Variants in SPAG16 observed in about 807,000 individuals in gnomAD.
SPAG16 encodes the protein sperm-associated antigen 16 protein.
A neutral mutation model predicts 80.4 loss-of-function variants in SPAG16; 86 were observed. That is an observed-to-expected ratio of 1.07 (90% confidence interval 0.90 to 1.28). The LOEUF (loss-of-function observed/expected upper bound fraction) is 1.28. Among genes scored for constraint, SPAG16 ranks in the 50% most tolerant of loss-of-function variants. The pLI is 0.00. For synonymous variants in SPAG16, 294 were observed against 265.9 expected (o/e 1.11, Z -1.03); for missense variants, 870 against 765.3 (o/e 1.14, Z -1.61).
At chr2:213,333,793 A>C (rs1398447293) in intron 5 of SPAG16, among the ~76,000 whole-genome samples, 1 of 152,186 alleles carries the variant, frequency 6.6e-6, no homozygotes, top group Non-Finnish European at 1.5e-5. Context: ...AAAACTGGAT[A>C]TCTATATGAA....
intron 15 of SPAG16, among the ~76,000 whole-genome samples, chr2:214,352,510 G>A (rs1407219292): frequency 6.9e-6 from 1 of 144,376 alleles, no homozygotes; most frequent in East Asian, 2.0e-4. Context: ...CCTCAGAGCT[G>A]TAACATTTGT....
intron 12 of SPAG16, among the ~76,000 whole-genome samples, chr2:214,004,164 C>G (rs2046922456): frequency 6.6e-6 from 1 of 152,110 alleles, no homozygotes. Flanking sequence ...ATCAACAAAG[C>G]TGGACACTAG....
chr2:213,946,213 C>G (rs1245426432), intron 12 of SPAG16, among the ~76,000 whole-genome samples: 3 of 152,156 alleles, frequency 2.0e-5, no homozygotes, highest in Admixed American at 6.5e-5. Flanking sequence ...CTCCCGGGTT[C>G]AAGCAATTCT....
intron 14 of SPAG16, among the ~76,000 whole-genome samples, chr2:214,138,209 A>G (rs2055162895): frequency 6.6e-6 from 1 of 152,152 alleles, no homozygotes; most frequent in Admixed American, 6.6e-5. Flanking sequence ...AAAAATATAA[A>G]TTTGTAAAGA....
At chr2:213,844,117 G>A (rs1260195923) in intron 10 of SPAG16, among the ~76,000 whole-genome samples, 1 of 152,130 alleles carries the variant, frequency 6.6e-6, no homozygotes, top group African/African-American at 2.4e-5. Context: ...GATTGTCAGA[G>A]GACAGAGGGT....
At chr2:213,932,733 G>A (rs1271988617) in intron 12 of SPAG16, among the ~76,000 whole-genome samples, 3 of 152,046 alleles carry the variant, frequency 2.0e-5, no homozygotes, top group Non-Finnish European at 4.4e-5. Context: ...CAAAAAGTTG[G>A]ATCACTGTGA....
At chr2:213,838,420 G>A (rs902871812) in intron 10 of SPAG16, among the ~76,000 whole-genome samples, 7 of 152,096 alleles carry the variant, frequency 4.6e-5, no homozygotes, top group African/African-American at 9.7e-5. Context: ...TAATCCATCC[G>A]CCTCGGCCTT....
intron 9 of SPAG16, among the ~76,000 whole-genome samples, chr2:213,451,564 C>G (rs2071691041): frequency 1.3e-5 from 2 of 152,162 alleles, no homozygotes; most frequent in Non-Finnish European, 2.9e-5. Flanking sequence ...AAATCAAAGA[C>G]TCAGACGCAC....
At chr2:213,466,748 C>T (rs2072719885) in intron 9 of SPAG16, among the ~76,000 whole-genome samples, 2 of 152,152 alleles carry the variant, frequency 1.3e-5, no homozygotes, top group Non-Finnish European at 2.9e-5. Context: ...TAGGGCACAA[C>T]AGATAATGTC....
chr2:213,988,100 T>A (rs896305122), intron 12 of SPAG16, among the ~76,000 whole-genome samples: 9 of 151,926 alleles, frequency 5.9e-5, no homozygotes, highest in Non-Finnish European at 7.4e-5. Flanking sequence ...ATTAGTGAGA[T>A]AACTGCCTAA....
intron 12 of SPAG16, among the ~76,000 whole-genome samples, chr2:213,948,709 C>T (rs2079575849): frequency 6.6e-6 from 1 of 152,154 alleles, no homozygotes; most frequent in Non-Finnish European, 1.5e-5. Context: ...CTCCATGGAG[C>T]CCCTAATCTG....
intron 10 of SPAG16, among the ~76,000 whole-genome samples, chr2:213,511,848 T>A (rs2125816725): frequency 6.6e-6 from 1 of 152,252 alleles, no homozygotes; most frequent in East Asian, 1.9e-4. Flanking sequence ...GTGGCCAATC[T>A]ACTAAAAATA....
chr2:213,677,401 C>G (rs2125245231), intron 10 of SPAG16, among the ~76,000 whole-genome samples: 1 of 151,618 alleles, frequency 6.6e-6, no homozygotes, highest in East Asian at 1.9e-4. Context: ...CACATAGGCT[C>G]AAAATAAAAG....
At chr2:214,198,749 C>A in intron 15 of SPAG16, among the ~76,000 whole-genome samples, 1 of 151,972 alleles carries the variant, frequency 6.6e-6, no homozygotes, top group Non-Finnish European at 1.5e-5. Flanking sequence ...CCATTTTTAC[C>A]ATATTCATGC....
chr2:214,226,085 A>G lies in SPAG16; in HGVS notation c.1720+76819A>G, dbSNP rs1469959782. Among the ~76,000 whole-genome samples, 13 of 152,264 alleles carry G rather than the reference A, an allele frequency of 8.5e-5. No individual in the cohort carries two copies. The East Asian group carries it at 2.5e-3, about 29-fold the overall frequency. Reference sequence around the variant, plus strand: ...AAGGTTTTCATTTGCAAATTACTGCATAACATACTACTTCAAATTTATTAG... The same window carrying G: ...AAGGTTTTCATTTGCAAATTACTGCGTAACATACTACTTCAAATTTATTAG... On this transcript the variant is annotated intron_variant, in intron 15 of 15. Transcript: ENST00000331683.
At chr2:213,518,871 C>T (rs2075550033) in intron 10 of SPAG16, among the ~76,000 whole-genome samples, 1 of 152,176 alleles carries the variant, frequency 6.6e-6, no homozygotes, top group African/African-American at 2.4e-5. Flanking sequence ...TACATATACA[C>T]TGTGGAATAC....
chr2:213,666,954 C>A (rs1280380632), intron 10 of SPAG16, among the ~76,000 whole-genome samples: 2 of 152,074 alleles, frequency 1.3e-5, no homozygotes, highest in African/African-American at 4.8e-5. Context: ...GCACCATAAA[C>A]CAGTTGTAGA....
chr2:214,350,161 T>A (rs771430023), intron 15 of SPAG16, among the ~76,000 whole-genome samples: 5 of 152,240 alleles, frequency 3.3e-5, no homozygotes, highest in East Asian at 1.9e-4. Context: ...GTTTTCTTTT[T>A]ATTTACCCTG....
chr2:214,284,159 G>C (rs1488355639), intron 15 of SPAG16, among the ~76,000 whole-genome samples: 2 of 152,114 alleles, frequency 1.3e-5, no homozygotes, highest in African/African-American at 4.8e-5. Context: ...ACCCTGCAGT[G>C]AATATCCTCT....
Sources: gnomAD v4.1 joint callset for allele counts (sites outside exome capture counted in the v4.1 genomes callset) on GRCh38, gnomAD v4.1.1 for gene constraint, MANE v1.5 for transcripts, NCBI Gene and HGNC (gene_info 2026-07-23, HGNC 2026-07-21) for gene names.